CTR9: variants seen among roughly 807,000 people sequenced by gnomAD.
CTR9 encodes the protein CTR9 component of Paf1/RNA polymerase II complex.
Under a neutral mutation model 152.1 loss-of-function variants are expected in CTR9, and 41 were observed. The observed-to-expected ratio is 0.27, with a 90% confidence interval of 0.21 to 0.35. CTR9 has a LOEUF of 0.35. Ranked by LOEUF, CTR9 falls within the 10% of genes least tolerant of loss-of-function variation. CTR9 has a pLI of 1.00. For synonymous variants in CTR9, 476 were observed against 496.2 expected, an observed-to-expected ratio of 0.96 and a Z score of 0.54; for missense variants, 917 against 1,424.4, an observed-to-expected ratio of 0.64 and a Z score of 5.73.
intron 1 of CTR9, among the ~76,000 whole-genome samples, chr11:10,752,385 AT>A (rs958693573): frequency 1.3e-5 from 2 of 152,048 alleles, no homozygotes; most frequent in Non-Finnish European, 1.5e-5. Context: ...GTTAAGTAGG[AT>A]TTTGTTTTGT....
At chr11:10,757,517 G>A (rs1472716451) in intron 5 of CTR9, among the ~76,000 whole-genome samples, 1 of 151,940 alleles carries the variant, frequency 6.6e-6, no homozygotes, top group Admixed American at 6.6e-5. Flanking sequence ...ATTTGAGGCT[G>A]CAGTGAGCCA....
Position 10,775,395 on chromosome 11 carries a change from G to A in CTR9, c.2982+92G>A, listed in dbSNP as rs2135385397. The A allele has an allele frequency of 2.1e-6, 3 of 1,410,676 alleles. No homozygotes were observed. In the East Asian group the frequency reaches 7.1e-5, roughly 33 times the overall value. The allele number at this position is 1,410,676 out of a possible 1,614,324, so 87.4% of individuals were successfully genotyped here. A position where few individuals can be genotyped will look rare whatever the true frequency, so the allele number is the denominator to read the frequency against. ...CATTCTTTCCTTGCAGCTTTCTCAA[G>A]CACAAATGCTTGTTTTCAAAGTTCA... On this transcript the variant is annotated intron_variant, in intron 23 of 24. Coordinates refer to ENST00000361367, the MANE Select transcript of CTR9 (RefSeq NM_014633.5).
Position 10,770,258 on chromosome 11 carries a change from G to C in CTR9, c.2158G>C (p.Val720Leu), listed in dbSNP as rs765237989. The change falls in exon 17 of 25, where the codon GTA (valine) becomes CTA (leucine). Residue 720 changes from valine to leucine, a missense_variant. Physicochemically the swap from Val to Leu is conservative, Grantham distance 32. Around this residue, in one of 9 missense-constraint regions of CTR9, gnomAD observed 106 missense variants for 157.8 expected, o/e 0.67. Transcript: ENST00000361367. Reference protein sequence around the residue: ...KFYKHQNTEVVLYLARALFKC... With the variant: ...KFYKHQNTEVLLYLARALFKC... The stretch of plus-strand genomic sequence containing the variant: ...CTATAAGCACCAAAACACTGAAGTT[G>C]TACTCTATTTGGCCCGGGCCCTCTT... 6.2e-7 allele frequency: 1 copy of C among 1,614,046 alleles called. No individual in the cohort carries two copies. The highest frequency in any genetic ancestry group is 1.7e-5 in the Admixed American group (1 of 59,990).
In CTR9 at chr11:10,766,879, AT is replaced by A. The variant is rs201511290; in HGVS notation, c.1686+390del. On this transcript the variant is annotated intron_variant, in intron 13 of 24. Coordinates refer to ENST00000361367, the MANE Select transcript of CTR9 (RefSeq NM_014633.5). Reference sequence around the variant, plus strand: ...TAGGATTTTGTATGGAACCATAGCTATGGTCATCTAAACGTTTTGAGGGCCC... The same window carrying A: ...TAGGATTTTGTATGGAACCATAGCTAGGTCATCTAAACGTTTTGAGGGCCC... Among the ~76,000 whole-genome samples, 1,137 of 152,340 alleles carry A rather than the reference AT, an allele frequency of 7.5e-3. 14 individuals carry two copies. The highest frequency in any genetic ancestry group is 0.026 in the African/African-American group (1,085 of 41,578).
At position 10,778,797 on chromosome 11, in the gene CTR9, A is replaced by G. The variant is rs2135389237; in HGVS notation, c.3214A>G (p.Ser1072Gly). 6.8e-6 allele frequency: 11 copies of G among 1,614,220 alleles called. No homozygotes were observed. Among genetic ancestry groups the G allele is most frequent in the Non-Finnish European group, 9.3e-6 (11 of 1,180,040 alleles). The change falls in exon 25 of 25, where the codon AGT becomes GGT. Residue 1072 changes from serine to glycine, a missense_variant. By Grantham distance (56) the Ser-to-Gly change is moderately conservative (BLOSUM62 0). This residue lies in a region of CTR9 where 384 missense variants were observed against 398.4 expected (regional missense o/e 0.96). Transcript: ENST00000361367. ...GAACAAGTCTGGCAGCGAGGCCGGC[A>G]GTCCCCGGAGGCCACGAAGACAGCG... Reference protein sequence around the residue: ...NQNKSGSEAGSPRRPRRQRSD... With the variant: ...NQNKSGSEAGGPRRPRRQRSD...
intron 22 of CTR9, 38 bp from the exon 23 acceptor site, chr11:10,775,169 G>A: frequency 1.3e-6 from 2 of 1,521,226 alleles, no homozygotes; most frequent in African/African-American, 1.4e-5. Context: ...TTATAGGTAG[G>A]CTCTTGACAA....
At chr11:10,762,124 T>A in intron 7 of CTR9, 70 bp downstream of exon 7, 1 of 980,514 alleles carries the variant, frequency 1.0e-6, no homozygotes. Flanking sequence ...TATTTCTTTT[T>A]TAAACTTGGA....
At chr11:10,755,907 C>G in intron 4 of CTR9, 112 bp downstream of exon 4, 1 of 588,538 alleles carries the variant, frequency 1.7e-6, no homozygotes, top group Admixed American at 2.9e-5. Context: ...AGTAGAAGAG[C>G]TTTATGTTGT....
intron 19 of CTR9, among the ~76,000 whole-genome samples, chr11:10,772,053 G>A (rs773266230): frequency 6.6e-6 from 1 of 151,454 alleles, no homozygotes; most frequent in Non-Finnish European, 1.5e-5. Flanking sequence ...CAAGTGTAAT[G>A]CAAAAAAAAA....
chr11:10,772,705 A>T, intron 20 of CTR9, 50 bp downstream of exon 20: 9 of 1,507,608 alleles, frequency 6.0e-6, no homozygotes, highest in Non-Finnish European at 8.0e-6. Flanking sequence ...GTGTGCATGC[A>T]TACACTTTGT....
Position 10,774,052 on chromosome 11 carries a change from A to G in CTR9, c.2768A>G (p.Asp923Gly), listed in dbSNP as rs754558970. The G allele has an allele frequency of 2.7e-5, 43 of 1,613,184 alleles. No individual in the cohort carries two copies. The highest frequency in any genetic ancestry group is 3.6e-5 in the Non-Finnish European group (42 of 1,179,568). ...KGGEFDEFVN[D>G]DTDDDLPISK... is the part of the protein sequence containing the mutation. ...GGAGAGTTTGATGAATTTGTCAATG[A>G]TGACACTGATGATGACCTACCTATA... Residue 923 changes from aspartate to glycine, a missense_variant, in exon 22 of 25, where the codon GAT (aspartate) becomes GGT (glycine). Coordinates refer to ENST00000361367, the MANE Select transcript of CTR9 (RefSeq NM_014633.5).
At chr11:10,763,991 G>A in intron 9 of CTR9, 112 bp downstream of exon 9, 1 of 1,329,342 alleles carries the variant, frequency 7.5e-7, no homozygotes, top group Non-Finnish European at 1.1e-6. Flanking sequence ...TTTGTTAGCT[G>A]AGCTTGTTCC....
rs780840536 is a variant in CTR9, at chr11:10,768,383, T to C, written c.2001T>C (p.Arg667=). Residue 667 remains arginine (R), a synonymous_variant, in exon 16 of 25, where the codon CGT becomes CGC. Coordinates refer to ENST00000361367, the MANE Select transcript of CTR9 (RefSeq NM_014633.5). ...ACAAAGGATATTTTCGTGAAGCTCG[T>C]GATGTATTTGCCCAAGTAAGAGAAG... ...LAHKGYFREA[R]DVFAQVREAT... 6.2e-6 allele frequency: 10 copies of C among 1,614,108 alleles called. No homozygotes were observed. The South Asian group carries it at 9.9e-5, about 16-fold the overall frequency.
At chr11:10,752,878 A>G in intron 2 of CTR9, 108 bp downstream of exon 2, 4 of 823,702 alleles carry the variant, frequency 4.9e-6, no homozygotes, top group Non-Finnish European at 8.1e-6. Flanking sequence ...GATTAGTTAT[A>G]CCATGTGTAT....
chr11:10,773,169 T>G lies in CTR9; in HGVS notation c.2623T>G (p.Leu875Val), dbSNP rs756534851. The G allele has an allele frequency of 6.2e-7, 1 of 1,610,818 alleles. No individual in the cohort carries two copies. The highest frequency in any genetic ancestry group is 8.5e-7 in the Non-Finnish European group (1 of 1,179,396). The change falls in exon 21 of 25, where the codon TTG becomes GTG. Residue 875 changes from leucine (L) to valine (V), a missense_variant. Physicochemically the swap from Leu to Val is conservative, Grantham distance 32. Around this residue, in one of 9 missense-constraint regions of CTR9, gnomAD observed 384 missense variants for 398.4 expected, o/e 0.96. Transcript: ENST00000361367. ...LREKEEQKKL[L>V]EQRAQYVEKT... Reference sequence around the variant, plus strand: ...AGAAAAGGAAGAGCAAAAGAAACTTTTGGAACAGCGGGCCCAGTATGTGGA... The same window carrying G: ...AGAAAAGGAAGAGCAAAAGAAACTTGTGGAACAGCGGGCCCAGTATGTGGA...
At position 10,763,425 on chromosome 11, in the gene CTR9, G is replaced by C; in HGVS notation, c.850-6G>C. Reference sequence around the variant, plus strand: ...TCACTCAGTTGACTTTCTGATCTTTGTTCAGGATTATAGTAAAGTCCAGCA... The same window carrying C: ...TCACTCAGTTGACTTTCTGATCTTTCTTCAGGATTATAGTAAAGTCCAGCA... On this transcript the variant is annotated splice_polypyrimidine_tract_variant and splice_region_variant and intron_variant, in intron 7 of 24. Coordinates refer to ENST00000361367, the MANE Select transcript of CTR9 (RefSeq NM_014633.5). 6.3e-7 allele frequency: 1 copy of C among 1,597,520 alleles called. No individual in the cohort carries two copies. Among genetic ancestry groups the C allele is most frequent in the Admixed American group, 1.7e-5 (1 of 59,030 alleles).
intron 18 of CTR9, 77 bp downstream of exon 18, chr11:10,770,709 T>C (rs1468387846): frequency 6.0e-6 from 8 of 1,338,250 alleles, no homozygotes; most frequent in Non-Finnish European, 7.1e-6. Context: ...CTCCCGATTT[T>C]GTCTGAAATG....
Position 10,775,218 on chromosome 11 carries a change from GAGA to G in CTR9, c.2903_2905del (p.Glu968del). 2.5e-6 allele frequency: 4 copies of G among 1,613,686 alleles called. No individual in the cohort carries two copies. Among genetic ancestry groups the G allele is most frequent in the Non-Finnish European group, 3.4e-6 (4 of 1,179,820 alleles). ...GTTCACTATTTAAGACATCCAAAGGGAGAAGAAGGATCTGATGATGATGAAACA... is the reference window on the plus strand; with the variant it reads ...GTTCACTATTTAAGACATCCAAAGGGAGAAGGATCTGATGATGATGAAACA... On this transcript the variant is annotated inframe_deletion, in exon 23 of 25. Coordinates refer to ENST00000361367, the MANE Select transcript of CTR9 (RefSeq NM_014633.5).
chr11:10,757,628 A>G (rs1862906606), intron 5 of CTR9, among the ~76,000 whole-genome samples: 1 of 152,218 alleles, frequency 6.6e-6, no homozygotes, highest in South Asian at 2.1e-4. Flanking sequence ...TTTTTGCCCT[A>G]TACTATTTTT....
Sources: gnomAD v4.1 joint callset for allele counts (sites outside exome capture counted in the v4.1 genomes callset) on GRCh38, gnomAD v4.1.1 for gene constraint, gnomAD v4.1.1 regional missense constraint, MANE v1.5 for transcripts, NCBI Gene and HGNC (gene_info 2026-07-23, HGNC 2026-07-21) for gene names.